CDK6: variants seen among roughly 807,000 people sequenced by gnomAD.
CDK6 encodes the protein cyclin-dependent kinase 6.
In CDK6, 6 loss-of-function variants were observed where a neutral mutation model predicts 37.1. The ratio of observed to expected loss-of-function variants is 0.16; its 90% CI spans 0.09 to 0.32. The LOEUF (loss-of-function observed/expected upper bound fraction) is 0.32. Among genes scored for constraint, CDK6 ranks in the 10% least tolerant of loss-of-function variants. The pLI is 1.00. For missense variants in CDK6, 224 were observed against 418.9 expected (o/e 0.53, Z 4.06); for synonymous variants, 160 against 161.3 (o/e 0.99, Z 0.06).
chr7:92,725,140 C>T, intron 4 of CDK6: 2 of 985,374 alleles, frequency 2.0e-6, no homozygotes, highest in Non-Finnish European at 2.4e-6. Context: ...CATGCATCAT[C>T]CAAGTTCACT....
chr7:92,794,915 A>G (rs567611691), intron 2 of CDK6, among the ~76,000 whole-genome samples: 1 of 152,144 alleles, frequency 6.6e-6, no homozygotes, highest in African/African-American at 2.4e-5. Flanking sequence ...TCTTTGGCCC[A>G]TAAAACGATT....
At chr7:92,803,067 A>C (rs1480845193) in intron 2 of CDK6, among the ~76,000 whole-genome samples, 1 of 152,222 alleles carries the variant, frequency 6.6e-6, no homozygotes, top group East Asian at 1.9e-4. Flanking sequence ...GGCAGTAATT[A>C]ATCTTTTCAA....
chr7:92,678,858 A>G (rs914935031), intron 4 of CDK6, among the ~76,000 whole-genome samples: 3 of 152,220 alleles, frequency 2.0e-5, no homozygotes, highest in Admixed American at 1.3e-4. Context: ...AAGGAGAAGC[A>G]TGAGGTCAGG....
At chr7:92,796,340 T>C (rs540428824) in intron 2 of CDK6, among the ~76,000 whole-genome samples, 1 of 152,192 alleles carries the variant, frequency 6.6e-6, no homozygotes, top group African/African-American at 2.4e-5. Flanking sequence ...CTCTATGAGA[T>C]CATAGTTTTT....
chr7:92,627,509 G>T (rs1795954272), intron 5 of CDK6, among the ~76,000 whole-genome samples: 1 of 152,048 alleles, frequency 6.6e-6, no homozygotes, highest in African/African-American at 2.4e-5. Flanking sequence ...GATCATCAAT[G>T]AATGAGGAAA....
intron 2 of CDK6, among the ~76,000 whole-genome samples, chr7:92,826,961 GA>G (rs1801337844): frequency 6.6e-6 from 1 of 152,086 alleles, no homozygotes; most frequent in Non-Finnish European, 1.5e-5. Context: ...TCACTAAACT[GA>G]AAATACTTTT....
At chr7:92,642,619 CA>C (rs374338912) in intron 5 of CDK6, among the ~76,000 whole-genome samples, 4 of 152,274 alleles carry the variant, frequency 2.6e-5, no homozygotes, top group African/African-American at 9.6e-5. Context: ...TTTCACTGAA[CA>C]TGTACAATGC....
intron 3 of CDK6, among the ~76,000 whole-genome samples, chr7:92,741,457 C>T (rs1798924456): frequency 6.6e-6 from 1 of 151,960 alleles, no homozygotes; most frequent in African/African-American, 2.4e-5. Context: ...AACTGAATGT[C>T]CTTATTTTAT....
intron 3 of CDK6, among the ~76,000 whole-genome samples, chr7:92,766,588 A>C (rs1010729924): frequency 2.6e-5 from 4 of 152,224 alleles, no homozygotes; most frequent in East Asian, 1.9e-4. Context: ...GAAAAGAAGA[A>C]GGCTGACAGT....
chr7:92,776,333 A>C (rs539834205), intron 2 of CDK6, among the ~76,000 whole-genome samples: 2 of 152,238 alleles, frequency 1.3e-5, no homozygotes, highest in African/African-American at 4.8e-5. Context: ...GGTTGATTCC[A>C]AGTCTTTGCT....
chr7:92,674,942 G>A (rs962053416), intron 4 of CDK6, among the ~76,000 whole-genome samples: 21 of 152,056 alleles, frequency 1.4e-4, no homozygotes, highest in Non-Finnish European at 2.4e-4. Flanking sequence ...AGCGAGTCTC[G>A]TGTCTCAGCC....
chr7:92,692,674 A>G (rs2116644837), intron 4 of CDK6, among the ~76,000 whole-genome samples: 1 of 151,912 alleles, frequency 6.6e-6, no homozygotes, highest in East Asian at 1.9e-4. Context: ...GGTCCCGGCT[A>G]CTCTGGAGGC....
At chr7:92,828,916 G>A (rs751004419) in intron 2 of CDK6, among the ~76,000 whole-genome samples, 51 of 152,188 alleles carry the variant, frequency 3.4e-4, no homozygotes, top group South Asian at 6.2e-4. Context: ...CTCAGAGACA[G>A]AAAGAACAAA....
In CDK6 at chr7:92,725,086, C is replaced by T. The variant is rs942721966; in HGVS notation, c.537+540G>A. 5.1e-6 allele frequency: 5 copies of T among 985,274 alleles called. No individual in the cohort carries two copies. The African/African-American group carries it at 8.7e-5, about 17-fold the overall frequency. The allele number at this position is 985,274 out of a possible 1,614,324, so 61.0% of individuals were successfully genotyped here. ...GGCCGTTGGGTTCGCTCTTTCTATT[C>T]AGGGTTATATGAGCCTTCACCTGGC... On this transcript the variant is annotated intron_variant, in intron 4 of 7. Transcript: ENST00000424848.
At chr7:92,718,937 C>G (rs150123243) in intron 4 of CDK6, among the ~76,000 whole-genome samples, 17 of 152,344 alleles carry the variant, frequency 1.1e-4, no homozygotes, top group African/African-American at 4.1e-4. Context: ...CTGACAGCGT[C>G]TGCACATAGA....
At chr7:92,821,065 A>T (rs1226865913) in intron 2 of CDK6, among the ~76,000 whole-genome samples, 1 of 152,056 alleles carries the variant, frequency 6.6e-6, no homozygotes, top group Non-Finnish European at 1.5e-5. Context: ...TTTGAACTCA[A>T]ATATAAACAA....
intron 4 of CDK6, among the ~76,000 whole-genome samples, chr7:92,720,100 A>G (rs1389432936): frequency 6.6e-6 from 1 of 152,244 alleles, no homozygotes; most frequent in Non-Finnish European, 1.5e-5. Flanking sequence ...ACATAAAAAA[A>G]GAAAACCAGG....
At chr7:92,712,873 TG>T (rs1298777923) in intron 4 of CDK6, among the ~76,000 whole-genome samples, 191 of 150,070 alleles carry the variant, frequency 1.3e-3, no homozygotes, top group African/African-American at 3.7e-3. Flanking sequence ...TATGTATGTA[TG>T]TATGTATTTA....
intron 4 of CDK6, among the ~76,000 whole-genome samples, chr7:92,724,046 C>A (rs958398634): frequency 1.3e-5 from 2 of 152,054 alleles, no homozygotes; most frequent in Non-Finnish European, 2.9e-5. Flanking sequence ...AATTAACGTA[C>A]CCAAGGAGAC....
Sources: gnomAD v4.1 joint callset for allele counts (sites outside exome capture counted in the v4.1 genomes callset) on GRCh38, gnomAD v4.1.1 for gene constraint, MANE v1.5 for transcripts, NCBI Gene and HGNC (gene_info 2026-07-23, HGNC 2026-07-21) for gene names.